The following SCD5 variants were observed in gnomAD, a reference collection of about 807,000 sequenced individuals.
SCD5 encodes acyl-CoA-desaturase 4.
SCD5 carries 20 observed loss-of-function variants against 30.4 expected under a neutral mutation model. The observed-to-expected ratio is 0.66, with a 90% CI of 0.46 to 0.96. The LOEUF is 0.96. Ranked by LOEUF, SCD5 falls within the 40% of genes least tolerant of loss-of-function variation. The pLI is 0.00. For synonymous variants in SCD5, 173 were observed against 176.4 expected (o/e 0.98, Z 0.16); for missense variants, 381 against 443.3 (o/e 0.86, Z 1.26).
chr4:82,647,327 C>T (rs1187433783), intron 3 of SCD5, among the ~76,000 whole-genome samples: 1 of 86,830 alleles, frequency 1.2e-5, no homozygotes. Context: ...TTCAAGGGAG[C>T]AAGTTTAACT....
intron 1 of SCD5, among the ~76,000 whole-genome samples, chr4:82,760,565 T>C (rs1049829841): frequency 6.6e-6 from 1 of 152,162 alleles, no homozygotes; most frequent in Non-Finnish European, 1.5e-5. Flanking sequence ...GGCTAATTTT[T>C]GTATTTTTTT....
At chr4:82,758,178 A>G (rs1218117964) in intron 1 of SCD5, among the ~76,000 whole-genome samples, 1 of 152,204 alleles carries the variant, frequency 6.6e-6, no homozygotes, top group Non-Finnish European at 1.5e-5. Context: ...GAACACTACA[A>G]CCAGTGGGGT....
In SCD5 at chr4:82,758,630, C is replaced by T. The variant is rs573454902; in HGVS notation, c.232+39676G>A. 2.0e-4 allele frequency among the ~76,000 whole-genome samples: 30 copies of T among 152,242 alleles called. No individual in the cohort carries two copies. The South Asian group carries it at 4.8e-3, about 24-fold the overall frequency. ...GAACACCCATTTCCTGCTCAGAGACCCCACTCTGTAATGCTAGGAAATAAG... is the reference window on the plus strand; with the variant it reads ...GAACACCCATTTCCTGCTCAGAGACTCCACTCTGTAATGCTAGGAAATAAG... On this transcript the variant is annotated intron_variant, in intron 1 of 4. Coordinates refer to ENST00000319540, the MANE Select transcript of SCD5 (RefSeq NM_001037582.3).
rs913842581 is a variant in SCD5 at position 82,785,097 on chromosome 4, C to A, written c.232+13209G>T. Among the ~76,000 whole-genome samples, 6 of 152,284 alleles carry A rather than the reference C, an allele frequency of 3.9e-5. No individual in the cohort carries two copies. In the South Asian group the frequency reaches 1.2e-3, roughly 32 times the overall value. On this transcript the variant is annotated intron_variant, in intron 1 of 4. Coordinates refer to ENST00000319540, the MANE Select transcript of SCD5 (RefSeq NM_001037582.3). ...AAAGTGCAGATCTCATCTATACTCA[C>A]AGGGTAGTGGCTTCGCTCACCACCC...
At chr4:82,676,367 C>T (rs545175371) in intron 3 of SCD5, among the ~76,000 whole-genome samples, 2 of 152,308 alleles carry the variant, frequency 1.3e-5, no homozygotes, top group South Asian at 2.1e-4. Context: ...GAATGGCTCA[C>T]GGATAGGTTC....
intron 1 of SCD5, among the ~76,000 whole-genome samples, chr4:82,760,673 T>G (rs1328599150): frequency 5.9e-5 from 9 of 152,126 alleles, no homozygotes; most frequent in Admixed American, 1.3e-4. Flanking sequence ...CTGCCCTCAG[T>G]CAAGCCCATT....
chr4:82,730,381 C>T (rs1212750562), intron 1 of SCD5, among the ~76,000 whole-genome samples: 1 of 150,394 alleles, frequency 6.6e-6, no homozygotes, highest in African/African-American at 2.4e-5. Context: ...CCTGCAACCT[C>T]CGCTTCCCGG....
intron 1 of SCD5, among the ~76,000 whole-genome samples, chr4:82,770,992 A>G (rs1396151948): frequency 1.3e-5 from 2 of 152,034 alleles, no homozygotes; most frequent in East Asian, 3.9e-4. Context: ...TTGAGACAGG[A>G]TCTCACTCTG....
intron 1 of SCD5, among the ~76,000 whole-genome samples, chr4:82,735,772 T>C (rs1720737452): frequency 6.6e-6 from 1 of 152,212 alleles, no homozygotes. Flanking sequence ...TTAATAGAAG[T>C]GTTTTGGGTC....
chr4:82,697,948 T>A (rs1456123920), intron 2 of SCD5: 2 of 453,996 alleles, frequency 4.4e-6, no homozygotes, highest in African/African-American at 4.0e-5. Flanking sequence ...GACTTCCAAA[T>A]GTTCCAAATG....
At chr4:82,770,892 A>G (rs192711573) in intron 1 of SCD5, among the ~76,000 whole-genome samples, 5 of 152,360 alleles carry the variant, frequency 3.3e-5, no homozygotes, top group South Asian at 2.1e-4. Flanking sequence ...AATCTACACA[A>G]CGGCCCAGAT....
intron 2 of SCD5, among the ~76,000 whole-genome samples, chr4:82,681,546 G>A (rs1173392065): frequency 2.6e-5 from 4 of 152,100 alleles, no homozygotes; most frequent in South Asian, 2.1e-4. Flanking sequence ...ACAGTAATCC[G>A]AATACCACTG....
At chr4:82,668,579 C>T (rs553973114) in intron 3 of SCD5, among the ~76,000 whole-genome samples, 6 of 152,286 alleles carry the variant, frequency 3.9e-5, no homozygotes, top group South Asian at 2.1e-4. Flanking sequence ...AGAAAGAAGC[C>T]GACTTCGCTG....
chr4:82,635,542 A>T (rs573405571), intron 4 of SCD5, among the ~76,000 whole-genome samples: 1 of 148,314 alleles, frequency 6.7e-6, no homozygotes, highest in Non-Finnish European at 1.5e-5. Context: ...AATGGCGTGA[A>T]CCTGGGAGGC....
At chr4:82,743,930 A>G (rs1175446107) in intron 1 of SCD5, among the ~76,000 whole-genome samples, 1 of 151,972 alleles carries the variant, frequency 6.6e-6, no homozygotes, top group Non-Finnish European at 1.5e-5. Context: ...GGTTCAAGCC[A>G]TCTTTCCACT....
chr4:82,759,039 C>T (rs1018386955), intron 1 of SCD5, among the ~76,000 whole-genome samples: 14 of 152,398 alleles, frequency 9.2e-5, no homozygotes, highest in African/African-American at 2.9e-4. Context: ...GGTCACCCCT[C>T]TTCAGCTCCC....
intron 3 of SCD5, among the ~76,000 whole-genome samples, chr4:82,656,162 T>C (rs1032335792): frequency 6.6e-6 from 1 of 152,148 alleles, no homozygotes; most frequent in South Asian, 2.1e-4. Context: ...ATTTGTTACA[T>C]AGGTATACAC....
intron 1 of SCD5, among the ~76,000 whole-genome samples, chr4:82,755,887 C>T (rs950543633): frequency 6.6e-6 from 1 of 152,204 alleles, no homozygotes; most frequent in Non-Finnish European, 1.5e-5. Flanking sequence ...CAAACCCTCA[C>T]ATTTTAATCT....
chr4:82,763,986 C>A (rs778994689), intron 1 of SCD5, among the ~76,000 whole-genome samples: 1 of 152,100 alleles, frequency 6.6e-6, no homozygotes, highest in African/African-American at 2.4e-5. Context: ...ATTGATGTTG[C>A]GTGATGTATC....
Sources: allele counts gnomAD v4.1 joint callset (sites outside exome capture counted in the v4.1 genomes callset), GRCh38; gene constraint gnomAD v4.1.1; transcripts MANE v1.5; gene names NCBI Gene and HGNC (gene_info 2026-07-23, HGNC 2026-07-21).